The following AGAP1 variants were observed in gnomAD, a reference collection of about 807,000 sequenced individuals.
The protein encoded by AGAP1 is arf-GAP with GTPase, ANK repeat and PH domain-containing protein 1.
A neutral mutation model predicts 105.3 loss-of-function variants in AGAP1; 29 were observed. That is an observed-to-expected ratio of 0.28 (90% CI 0.21 to 0.38). The LOEUF (loss-of-function observed/expected upper bound fraction) is 0.38. AGAP1 is among the 10% of genes least tolerant of loss of function. The pLI is 1.00. For missense variants in AGAP1, 998 were observed against 1,165.1 expected (o/e 0.86, Z 2.09); for synonymous variants, 509 against 485.9 (o/e 1.05, Z -0.63).
At chr2:235,768,522 TAGG>T (rs1379158804) in intron 6 of AGAP1, among the ~76,000 whole-genome samples, 1 of 152,238 alleles carries the variant, frequency 6.6e-6, no homozygotes, top group African/African-American at 2.4e-5. Flanking sequence ...ACATTCCCCT[TAGG>T]AGGGTAGCTT....
chr2:235,546,778 G>A (rs547654521), intron 1 of AGAP1, among the ~76,000 whole-genome samples: 3 of 152,318 alleles, frequency 2.0e-5, no homozygotes, highest in Admixed American at 2.0e-4. Flanking sequence ...CTCTCAGTGT[G>A]CTCTTTCTTG....
rs540445930 is a variant in AGAP1, at chr2:235,975,195, T to A, written c.1645+6572T>A. ...TTTAATTAGTCACAAAATGGAGTTT[T>A]GTTTTTACTTAGATGCTAAGAAACA... On this transcript the variant is annotated intron_variant, in intron 13 of 17. Transcript: ENST00000304032. Among the ~76,000 whole-genome samples, 6 of 152,384 alleles carry A rather than the reference T, an allele frequency of 3.9e-5. No individual in the cohort carries two copies. In the East Asian group the frequency reaches 1.2e-3, roughly 29 times the overall value.
chr2:235,857,181 G>A (rs1290699847), intron 9 of AGAP1, among the ~76,000 whole-genome samples: 1 of 152,158 alleles, frequency 6.6e-6, no homozygotes, highest in Non-Finnish European at 1.5e-5. Flanking sequence ...TACTGCCTGA[G>A]CGCTGCCTCC....
intron 10 of AGAP1, among the ~76,000 whole-genome samples, chr2:235,894,266 C>G (rs149661094): frequency 6.6e-6 from 1 of 152,116 alleles, no homozygotes. Flanking sequence ...AGGAAGAATC[C>G]CCAGTTGGTT....
chr2:235,501,728 T>G (rs1028159993), intron 1 of AGAP1, among the ~76,000 whole-genome samples: 3 of 152,154 alleles, frequency 2.0e-5, no homozygotes. Flanking sequence ...AACCACTGAT[T>G]TCGTTTCGTC....
intron 1 of AGAP1, among the ~76,000 whole-genome samples, chr2:235,562,263 ATAT>A (rs1035680313): frequency 6.6e-6 from 1 of 152,046 alleles, no homozygotes; most frequent in Non-Finnish European, 1.5e-5. Context: ...AAATCATAAC[ATAT>A]TATGACTGCA....
At position 235,788,839 on chromosome 2, in the gene AGAP1, G is replaced by A. The variant is rs1956804064; in HGVS notation, c.674-8920G>A. Reference sequence around the variant, plus strand: ...CAGCTGCGGGGCCACACCACGTTAGGGTGCTTTTCGGCATCTCTCAGTGGG... The same window carrying A: ...CAGCTGCGGGGCCACACCACGTTAGAGTGCTTTTCGGCATCTCTCAGTGGG... On this transcript the variant is annotated intron_variant, in intron 6 of 17. Transcript: ENST00000304032. The surrounding 1 kb of genome is among the most constrained non-coding windows in gnomAD (Gnocchi z 6.0). Among the ~76,000 whole-genome samples the A allele has an allele frequency of 6.6e-6, 1 of 152,142 alleles. No individual in the cohort carries two copies. The highest frequency in any genetic ancestry group is 1.9e-4 in the East Asian group (1 of 5,192).
rs1957071032 is a variant in AGAP1 at position 235,793,044 on chromosome 2, G to A, written c.674-4715G>A. Among the ~76,000 whole-genome samples, 1 of 152,168 alleles carries A rather than the reference G, an allele frequency of 6.6e-6. No homozygotes were observed. Among genetic ancestry groups the A allele is most frequent in the South Asian group, 2.1e-4 (1 of 4,824 alleles). On this transcript the variant is annotated intron_variant, in intron 6 of 17. Transcript: ENST00000304032. This position sits in a 1 kb window ranked among gnomAD's most constrained non-coding sequence, Gnocchi z 5.3. ...TTCCAGCCGGAGGAGGAAAACCAGG[G>A]ACGTCAGGGTTCATGGAAGCCCGAG...
rs1340376521 is a variant in AGAP1 at position 235,936,138 on chromosome 2, C to T, written c.1483+5215C>T. On this transcript the variant is annotated intron_variant, in intron 12 of 17. Coordinates refer to ENST00000304032, the MANE Select transcript of AGAP1 (RefSeq NM_001037131.3). This position sits in a 1 kb window ranked among gnomAD's most constrained non-coding sequence, Gnocchi z 4.7. ...CAGTCCAACAGTTTATCTTCTGCCA[C>T]GCTGACTGGCCATCACTGTTAATAC... Among the ~76,000 whole-genome samples, 1 of 152,246 alleles carries T rather than the reference C, an allele frequency of 6.6e-6. No homozygotes were observed. The highest frequency in any genetic ancestry group is 1.5e-5 in the Non-Finnish European group (1 of 68,040).
chr2:235,631,589 C>T lies in AGAP1; in HGVS notation c.164-77590C>T, dbSNP rs1327286668. On this transcript the variant is annotated intron_variant, in intron 1 of 17. Transcript: ENST00000304032. The surrounding 1 kb of genome is among the most constrained non-coding windows in gnomAD (Gnocchi z 5.4). ...CTAGAGGACCTATTTCCTCTTGGTGCTCTTCTGCTTTTTGCTTCTTCCCTG... is the reference window on the plus strand; with the variant it reads ...CTAGAGGACCTATTTCCTCTTGGTGTTCTTCTGCTTTTTGCTTCTTCCCTG... Among the ~76,000 whole-genome samples, 1 of 152,202 alleles carries T rather than the reference C, an allele frequency of 6.6e-6. No homozygotes were observed. The highest frequency in any genetic ancestry group is 1.5e-5 in the Non-Finnish European group (1 of 68,046).
chr2:235,919,389 T>C lies in AGAP1; in HGVS notation c.1324+10483T>C, dbSNP rs1302423562. Among the ~76,000 whole-genome samples the C allele has an allele frequency of 6.6e-6, 1 of 152,208 alleles. No homozygotes were observed. The highest frequency in any genetic ancestry group is 1.5e-5 in the Non-Finnish European group (1 of 68,042). ...GAGTTACCACTCATATAGTGAACGT[T>C]TGCGTTTCTGGAGTATTTCTAGGGA... On this transcript the variant is annotated intron_variant, in intron 11 of 17. Transcript: ENST00000304032. The surrounding 1 kb of genome is among the most constrained non-coding windows in gnomAD (Gnocchi z 4.1).
At chr2:235,860,045 C>G (rs920539338) in intron 9 of AGAP1, among the ~76,000 whole-genome samples, 1 of 152,184 alleles carries the variant, frequency 6.6e-6, no homozygotes, top group Non-Finnish European at 1.5e-5. Flanking sequence ...CTCAGTAATG[C>G]TAAGTTTAGG....
intron 1 of AGAP1, among the ~76,000 whole-genome samples, chr2:235,575,700 G>A (rs1347108752): frequency 1.3e-5 from 2 of 152,190 alleles, no homozygotes; most frequent in South Asian, 2.1e-4. Flanking sequence ...AGGTGTGAAC[G>A]CACAGGTTTG....
intron 5 of AGAP1, among the ~76,000 whole-genome samples, chr2:235,748,231 C>A (rs1953125778): frequency 6.6e-6 from 1 of 152,118 alleles, no homozygotes; most frequent in Admixed American, 6.5e-5. Context: ...ACCTTTGAAG[C>A]CGAAATTTGA....
chr2:235,685,468 G>A (rs1949329282), intron 1 of AGAP1, among the ~76,000 whole-genome samples: 1 of 150,978 alleles, frequency 6.6e-6, no homozygotes, highest in Non-Finnish European at 1.5e-5. Flanking sequence ...TTTTCTGCTT[G>A]CTTTCTGGTT....
rs563969665 is a variant in AGAP1 at position 235,497,122 on chromosome 2, C to T, written c.163+2273C>T. Reference sequence around the variant, plus strand: ...GTCTCATTGTGTGGCTTCACCAACCCTGTGAGGGTGGGTGGGTAGCTTCCT... The same window carrying T: ...GTCTCATTGTGTGGCTTCACCAACCTTGTGAGGGTGGGTGGGTAGCTTCCT... On this transcript the variant is annotated intron_variant, in intron 1 of 17. Transcript: ENST00000304032. Among the ~76,000 whole-genome samples the T allele has an allele frequency of 3.3e-4, 50 of 152,306 alleles. No individual in the cohort carries two copies. In the South Asian group the frequency reaches 7.7e-3, roughly 23 times the overall value.
At position 236,056,644 on chromosome 2, in the gene AGAP1, G is replaced by A. The variant is rs377470105; in HGVS notation, c.2114+7363G>A. Among the ~76,000 whole-genome samples the A allele has an allele frequency of 2.0e-5, 3 of 152,192 alleles. No homozygotes were observed. The highest frequency in any genetic ancestry group is 2.9e-5 in the Non-Finnish European group (2 of 68,042). On this transcript the variant is annotated intron_variant, in intron 16 of 17. Transcript: ENST00000304032. The surrounding 1 kb of genome is among the most constrained non-coding windows in gnomAD (Gnocchi z 4.6). ...TTCCAAAGGGCCCTGTCTTTCAGTC[G>A]TGTTTTGCTTATTTTGCACCAGAGA...
intron 16 of AGAP1, among the ~76,000 whole-genome samples, chr2:236,084,539 C>G (rs555775879): frequency 6.6e-6 from 1 of 152,188 alleles, no homozygotes; most frequent in East Asian, 1.9e-4. Flanking sequence ...TCAGGAAAAC[C>G]TCTGTTTGGA....
intron 6 of AGAP1, among the ~76,000 whole-genome samples, chr2:235,784,907 A>G (rs911983148): frequency 2.0e-5 from 3 of 152,158 alleles, no homozygotes; most frequent in Admixed American, 6.5e-5. Context: ...GAGTATTACA[A>G]TGACTTAATG....
Sources: gnomAD v4.1 joint callset for allele counts (sites outside exome capture counted in the v4.1 genomes callset) on GRCh38, gnomAD v4.1.1 for gene constraint, Gnocchi (gnomAD v3.1) non-coding constraint, MANE v1.5 for transcripts, NCBI Gene and HGNC (gene_info 2026-07-23, HGNC 2026-07-21) for gene names.